The following ZFAT variants were observed in gnomAD, a reference collection of about 807,000 sequenced individuals.
ZFAT encodes zinc finger and AT-hook domain containing, also known as zinc finger protein ZFAT.
Under a neutral mutation model 117.7 loss-of-function variants are expected in ZFAT, and 64 were observed. The observed-to-expected ratio is 0.54, with a 90% CI of 0.44 to 0.67. ZFAT has a LOEUF of 0.67. ZFAT is among the 30% of genes least tolerant of loss of function. ZFAT has a pLI of 0.00. For synonymous variants in ZFAT, 679 were observed against 615.0 expected (o/e 1.10, Z -1.54); for missense variants, 1,433 against 1,584.5 (o/e 0.90, Z 1.62).
At chr8:134,784,525 G>A in the ZFAT span, 29 of 151,792 alleles carry the variant, frequency 1.9e-4, no homozygotes, top group African/African-American at 4.3e-4. Flanking sequence ...ACAATCTAGC[G>A]AACATAAAAA....
chr8:134,802,458 C>A, the ZFAT span, among the ~76,000 whole-genome samples: 1 of 152,158 alleles, frequency 6.6e-6, no homozygotes, highest in Admixed American at 6.5e-5. Flanking sequence ...AAGCCCATGA[C>A]TCATGTAGAA....
chr8:134,705,377 G>GTTTTT (rs61505145), intron 1 of ZFAT, among the ~76,000 whole-genome samples: 21 of 137,394 alleles, frequency 1.5e-4, no homozygotes, highest in African/African-American at 1.9e-4. Flanking sequence ...GTTTTTTTTT[G>GTTTTT]TTTTTTTTTT....
chr8:134,775,634 G>C, the ZFAT span, among the ~76,000 whole-genome samples: 1 of 152,184 alleles, frequency 6.6e-6, no homozygotes, highest in Admixed American at 6.5e-5. Context: ...AAAAGTGGTT[G>C]CAAGTACTGG....
At chr8:134,814,245 C>T in the ZFAT span, among the ~76,000 whole-genome samples, 1 of 152,120 alleles carries the variant, frequency 6.6e-6, no homozygotes, top group Non-Finnish European at 1.5e-5. Flanking sequence ...TTAGGAATGG[C>T]TATACTTCAA....
chr8:134,752,036 A>G, the ZFAT span, among the ~76,000 whole-genome samples: 4 of 152,088 alleles, frequency 2.6e-5, no homozygotes, highest in African/African-American at 9.6e-5. Flanking sequence ...TCACTCCTCA[A>G]TTTCTTCCTC....
At chr8:134,754,755 G>A in the ZFAT span, among the ~76,000 whole-genome samples, 1 of 152,224 alleles carries the variant, frequency 6.6e-6, no homozygotes, top group Non-Finnish European at 1.5e-5. Flanking sequence ...CTGAGCCCAA[G>A]AGCACATCAT....
At chr8:134,686,089 T>C (rs1833309061) in intron 1 of ZFAT, among the ~76,000 whole-genome samples, 2 of 152,236 alleles carry the variant, frequency 1.3e-5, no homozygotes, top group African/African-American at 4.8e-5. Flanking sequence ...GCAGCTGCCC[T>C]GACAGCTCAG....
chr8:134,626,998 C>T (rs1829561268), intron 3 of ZFAT, among the ~76,000 whole-genome samples: 1 of 152,154 alleles, frequency 6.6e-6, no homozygotes, highest in Non-Finnish European at 1.5e-5. Context: ...GGGGGCTTCC[C>T]AGGAAGAAAG....
chr8:134,630,841 T>G (rs1829840326), intron 3 of ZFAT, among the ~76,000 whole-genome samples: 1 of 152,258 alleles, frequency 6.6e-6, no homozygotes, highest in Non-Finnish European at 1.5e-5. Flanking sequence ...TTATTTTGTT[T>G]TCTTCTAATT....
At chr8:134,671,337 C>A (rs201688715) in intron 1 of ZFAT, among the ~76,000 whole-genome samples, 1 of 152,092 alleles carries the variant, frequency 6.6e-6, no homozygotes, top group Admixed American at 6.6e-5. Flanking sequence ...TGATGAACAT[C>A]GATGCAAAAA....
At chr8:134,591,188 A>G (rs1362823225) in intron 7 of ZFAT, among the ~76,000 whole-genome samples, 1 of 152,220 alleles carries the variant, frequency 6.6e-6, no homozygotes, top group African/African-American at 2.4e-5. Flanking sequence ...ACCACTCACA[A>G]AAGATAGGCA....
intron 1 of ZFAT, among the ~76,000 whole-genome samples, chr8:134,662,747 A>T (rs1831994575): frequency 6.6e-6 from 1 of 152,232 alleles, no homozygotes; most frequent in Non-Finnish European, 1.5e-5. Context: ...AAATAATAAG[A>T]GGTCTGGTCA....
chr8:134,696,080 A>G (rs758396546), intron 1 of ZFAT, among the ~76,000 whole-genome samples: 5 of 146,636 alleles, frequency 3.4e-5, no homozygotes, highest in Non-Finnish European at 6.0e-5. Flanking sequence ...ACTAAGGAGG[A>G]GCTGCCCCCA....
chr8:134,503,563 T>C (rs1039044241), intron 15 of ZFAT, among the ~76,000 whole-genome samples: 5 of 152,180 alleles, frequency 3.3e-5, no homozygotes, highest in African/African-American at 1.2e-4. Flanking sequence ...GCTGTGATGG[T>C]GTTTTTGGAT....
intron 1 of ZFAT, among the ~76,000 whole-genome samples, chr8:134,709,881 T>C (rs188907469): frequency 3.9e-5 from 6 of 152,274 alleles, no homozygotes; most frequent in African/African-American, 1.4e-4. Context: ...ACAATGACCA[T>C]CTCAGCTCAT....
the ZFAT span, among the ~76,000 whole-genome samples, chr8:134,775,253 C>T: frequency 6.6e-6 from 1 of 152,122 alleles, no homozygotes; most frequent in African/African-American, 2.4e-5. Flanking sequence ...TGTCTTGTCC[C>T]CTTAGGGCCT....
chr8:134,640,263 T>C (rs866773809), intron 2 of ZFAT, among the ~76,000 whole-genome samples: 61 of 152,272 alleles, frequency 4.0e-4, no homozygotes, highest in African/African-American at 1.4e-3. Flanking sequence ...AAATCTGTAG[T>C]AGTAAGAAAG....
At chr8:134,751,409 C>T in the ZFAT span, among the ~76,000 whole-genome samples, 6 of 152,086 alleles carry the variant, frequency 3.9e-5, no homozygotes, top group South Asian at 2.1e-4. Context: ...AGTCGGGATA[C>T]GTGGGTTGGG....
At chr8:134,739,638 T>C in the ZFAT span, among the ~76,000 whole-genome samples, 24 of 152,130 alleles carry the variant, frequency 1.6e-4, no homozygotes, top group African/African-American at 9.7e-5. Context: ...GCCTTTGCCC[T>C]TAAGGAGCTC....
Sources: allele counts gnomAD v4.1 joint callset (sites outside exome capture counted in the v4.1 genomes callset), GRCh38; gene constraint gnomAD v4.1.1; transcripts MANE v1.5; gene names NCBI Gene and HGNC (gene_info 2026-07-23, HGNC 2026-07-21).